The following ZNF248 variants were observed in gnomAD, a reference collection of about 807,000 sequenced individuals.
ZNF248 encodes zinc finger protein 248, also known as KRAB protein domain.
A neutral mutation model predicts 44.3 loss-of-function variants in ZNF248; 20 were observed. The ratio of observed to expected loss-of-function variants is 0.45; its 90% CI spans 0.32 to 0.66. ZNF248 has a LOEUF of 0.66. ZNF248 is among the 30% of genes least tolerant of loss of function. The pLI, the probability that ZNF248 is intolerant of heterozygous loss-of-function variation, is 0.04. For synonymous variants in ZNF248, 224 were observed against 229.0 expected, an observed-to-expected ratio of 0.98 and a Z score of 0.20; for missense variants, 654 against 677.0, an observed-to-expected ratio of 0.97 and a Z score of 0.38.
chr10:37,826,163 G>T (rs151248574), downstream of ZNF248, among the ~76,000 whole-genome samples: 3 of 152,176 alleles, frequency 2.0e-5, no homozygotes, highest in East Asian at 5.8e-4. Context: ...CATATATATT[G>T]TATTTCCATT....
downstream of ZNF248, among the ~76,000 whole-genome samples, chr10:37,827,079 G>A (rs2054496608): frequency 6.6e-6 from 1 of 152,170 alleles, no homozygotes; most frequent in South Asian, 2.1e-4. Flanking sequence ...CAGCATAGGG[G>A]AATCTAGGCC....
At chr10:37,843,423 C>CA (rs530114229) in intron 3 of ZNF248, among the ~76,000 whole-genome samples, 1,696 of 69,070 alleles carry the variant, frequency 0.025, 21 homozygotes, top group South Asian at 0.065. Context: ...GACTCTGCCT[C>CA]AAAAAAAAAA....
chr10:37,835,485 T>C (rs147673867), intron 5 of ZNF248, among the ~76,000 whole-genome samples: 241 of 152,282 alleles, frequency 1.6e-3, no homozygotes, highest in African/African-American at 5.6e-3. Context: ...CTAAAAGCAT[T>C]ATTGTCCCAA....
chr10:37,798,003 T>C (rs189445299), intron 6 of ZNF248, among the ~76,000 whole-genome samples: 1 of 152,234 alleles, frequency 6.6e-6, no homozygotes, highest in Non-Finnish European at 1.5e-5. Context: ...CAAAAATGTA[T>C]ACACAAACGC....
At chr10:37,833,830 T>A (rs1189973159) in intron 5 of ZNF248, among the ~76,000 whole-genome samples, 1 of 152,138 alleles carries the variant, frequency 6.6e-6, no homozygotes, top group Non-Finnish European at 1.5e-5. Flanking sequence ...TTCTGAGAGC[T>A]GTTCTTTCAA....
At chr10:37,780,659 C>G (rs1398248437) in intron 6 of ZNF248, among the ~76,000 whole-genome samples, 1 of 152,202 alleles carries the variant, frequency 6.6e-6, no homozygotes, top group Non-Finnish European at 1.5e-5. Flanking sequence ...AAGCAAAGCT[C>G]GCGCCCTTCC....
chr10:37,783,611 C>A (rs2047556093), intron 6 of ZNF248, among the ~76,000 whole-genome samples: 1 of 152,076 alleles, frequency 6.6e-6, no homozygotes, highest in South Asian at 2.1e-4. Flanking sequence ...ATTTGGCTTA[C>A]ACAATAAAAA....
At chr10:37,765,222 G>C in the ZNF248 span, among the ~76,000 whole-genome samples, 1 of 152,112 alleles carries the variant, frequency 6.6e-6, no homozygotes, top group Non-Finnish European at 1.5e-5. Flanking sequence ...CTCCCAAAGT[G>C]CTGGGATTAT....
At position 37,843,164 on chromosome 10, in the gene ZNF248, C is replaced by T. The variant is rs546783630; in HGVS notation, c.16-5053G>A. 3.9e-5 allele frequency among the ~76,000 whole-genome samples: 6 copies of T among 152,198 alleles called. No individual in the cohort carries two copies. In the East Asian group the frequency reaches 9.7e-4, roughly 24 times the overall value. On this transcript the variant is annotated intron_variant, in intron 3 of 5. Coordinates refer to ENST00000395867, the MANE Select transcript of ZNF248 (RefSeq NM_021045.3). ...CCAGACTATAAAAATAGCATATGGC[C>T]GAGCATGGTGGCTCATGCCTGTAAT...
At chr10:37,839,506 A>AC (rs1564616869) in intron 3 of ZNF248, among the ~76,000 whole-genome samples, 1,478 of 110,906 alleles carry the variant, frequency 0.013, 27 homozygotes, top group East Asian at 0.077. Flanking sequence ...TGTATACACA[A>AC]ACACACACAC....
At chr10:37,842,373 C>T (rs2058493716) in intron 3 of ZNF248, among the ~76,000 whole-genome samples, 1 of 152,146 alleles carries the variant, frequency 6.6e-6, no homozygotes, top group Non-Finnish European at 1.5e-5. Flanking sequence ...CAAAGGCTGA[C>T]CGCAACCAAG....
chr10:37,784,392 G>A (rs901209833), intron 6 of ZNF248, among the ~76,000 whole-genome samples: 1 of 152,180 alleles, frequency 6.6e-6, no homozygotes, highest in Admixed American at 6.5e-5. Context: ...CCTTCACGCT[G>A]TCTCCTGGAC....
At chr10:37,849,827 C>T (rs920761603) in intron 3 of ZNF248, among the ~76,000 whole-genome samples, 1 of 152,148 alleles carries the variant, frequency 6.6e-6, no homozygotes, top group African/African-American at 2.4e-5. Context: ...AATCCCAACA[C>T]TTTGGAAGGC....
chr10:37,849,934 G>A (rs1464368964), intron 3 of ZNF248, among the ~76,000 whole-genome samples: 1 of 151,942 alleles, frequency 6.6e-6, no homozygotes, highest in Non-Finnish European at 1.5e-5. Context: ...AGTCAGGCAC[G>A]GTGGCAGGTG....
rs963041105 is a variant in ZNF248, at chr10:37,829,407, T to C, written c.*2208A>G. The C allele has an allele frequency of 1.3e-4, 133 of 985,446 alleles. 2 individuals carry two copies. In the East Asian group the frequency reaches 1.8e-3, roughly 13 times the overall value. 61.0% of individuals were successfully genotyped at this position (985,446 alleles called of 1,614,324 possible). ...TTCTGTTTTCCACCAGAAAGAACCA[T>C]GGCTGATACAAACAGCCATCCCTAT... On this transcript the variant is annotated 3_prime_UTR_variant, in exon 6 of 6. Coordinates refer to ENST00000395867, the MANE Select transcript of ZNF248 (RefSeq NM_021045.3).
intron 6 of ZNF248, among the ~76,000 whole-genome samples, chr10:37,784,507 T>C (rs981984299): frequency 6.6e-6 from 1 of 152,220 alleles, no homozygotes; most frequent in Admixed American, 6.5e-5. Context: ...AATCTCAGAA[T>C]GGTAACAATC....
rs775847254 is a variant in ZNF248 at position 37,828,975 on chromosome 10, C to A, written c.*2640G>T. 6.1e-6 allele frequency: 6 copies of A among 985,442 alleles called. No individual in the cohort carries two copies. The highest frequency in any genetic ancestry group is 7.2e-6 in the Non-Finnish European group (6 of 829,936). 61.0% of individuals were successfully genotyped at this position (985,442 alleles called of 1,614,324 possible). ...ACAAACAGAAACACTTAACTTGCAA[C>A]TAGTAGAATAACTTTATTTCTAACA... On this transcript the variant is annotated 3_prime_UTR_variant, in exon 6 of 6. Coordinates refer to ENST00000395867, the MANE Select transcript of ZNF248 (RefSeq NM_021045.3).
chr10:37,760,256 T>G, the ZNF248 span, among the ~76,000 whole-genome samples: 1 of 152,050 alleles, frequency 6.6e-6, no homozygotes, highest in Admixed American at 6.5e-5. Context: ...TGAAAGAGGG[T>G]CTTGCTCTGT....
chr10:37,807,109 G>A (rs938090389), intron 6 of ZNF248, among the ~76,000 whole-genome samples: 5 of 151,706 alleles, frequency 3.3e-5, no homozygotes, highest in Non-Finnish European at 7.4e-5. Context: ...TCAGCCTCCC[G>A]AGTAGCTGGG....
Sources: allele counts gnomAD v4.1 joint callset (sites outside exome capture counted in the v4.1 genomes callset), GRCh38; gene constraint gnomAD v4.1.1; transcripts MANE v1.5; gene names NCBI Gene and HGNC (gene_info 2026-07-23, HGNC 2026-07-21).